RBPJ: variants seen among roughly 807,000 people sequenced by gnomAD.
RBPJ encodes the protein recombining binding protein suppressor of hairless.
RBPJ carries 9 observed loss-of-function variants against 67.8 expected under a neutral mutation model. The ratio of observed to expected loss-of-function variants is 0.13; its 90% CI spans 0.08 to 0.23. RBPJ has a LOEUF of 0.23. Ranked by LOEUF, RBPJ falls within the 10% of genes least tolerant of loss-of-function variation. The pLI is 1.00. For missense variants in RBPJ, 305 were observed against 595.6 expected, an observed-to-expected ratio of 0.51 and a Z score of 5.08; for synonymous variants, 198 against 203.3, an observed-to-expected ratio of 0.97 and a Z score of 0.22.
the RBPJ span, among the ~76,000 whole-genome samples, chr4:26,121,685 A>T: frequency 6.6e-6 from 1 of 152,162 alleles, no homozygotes; most frequent in Non-Finnish European, 1.5e-5. Context: ...TGGAAAAAAA[A>T]CAATTATCCT....
chr4:26,427,513 G>A lies in RBPJ; in HGVS notation c.748-1207G>A, dbSNP rs1449459216. ...TATAAAGAGAGGAAAAGAGGGCTGA[G>A]AACTCAGCTCTGGGCATTTTAAAGG... On this transcript the variant is annotated intron_variant, in intron 7 of 10. Transcript: ENST00000355476. Among the ~76,000 whole-genome samples, 4 of 152,164 alleles carry A rather than the reference G, an allele frequency of 2.6e-5. No individual in the cohort carries two copies. In the South Asian group the frequency reaches 8.3e-4, roughly 32 times the overall value.
At chr4:26,122,094 T>A in the RBPJ span, among the ~76,000 whole-genome samples, 63 of 152,252 alleles carry the variant, frequency 4.1e-4, no homozygotes, top group African/African-American at 1.5e-3. Context: ...ATTTTATATA[T>A]GGACACATTT....
chr4:26,401,768 G>A (rs917280141), intron 2 of RBPJ, among the ~76,000 whole-genome samples: 2 of 152,104 alleles, frequency 1.3e-5, no homozygotes, highest in Non-Finnish European at 2.9e-5. Flanking sequence ...ACACTTAATG[G>A]CTTAAAACTA....
intron 3 of RBPJ, among the ~76,000 whole-genome samples, chr4:26,412,204 A>T (rs1238219374): frequency 6.6e-6 from 1 of 152,068 alleles, no homozygotes; most frequent in Non-Finnish European, 1.5e-5. Flanking sequence ...CCAATCCAAA[A>T]ATTCGAAGTG....
intron 1 of RBPJ, among the ~76,000 whole-genome samples, chr4:26,250,598 G>T (rs1027161577): frequency 1.3e-5 from 2 of 152,056 alleles, no homozygotes; most frequent in African/African-American, 2.4e-5. Context: ...TTCCCAAAGT[G>T]CTGGGACACA....
At chr4:26,290,233 G>C in intron 1 of RBPJ, among the ~76,000 whole-genome samples, 1 of 147,970 alleles carries the variant, frequency 6.8e-6, no homozygotes, top group Non-Finnish European at 1.5e-5. Flanking sequence ...TAGCTACTTG[G>C]AAGACTGTGA....
At chr4:26,145,111 A>T in the RBPJ span, among the ~76,000 whole-genome samples, 372 of 151,588 alleles carry the variant, frequency 2.5e-3, 1 homozygote, top group African/African-American at 8.5e-3. Flanking sequence ...TGGTTTCAAC[A>T]GTTTTTCCAG....
intron 1 of RBPJ, among the ~76,000 whole-genome samples, chr4:26,346,915 C>A (rs201739643): frequency 2.0e-5 from 3 of 152,054 alleles, no homozygotes; most frequent in Admixed American, 6.5e-5. Flanking sequence ...TCACTTGAAC[C>A]CGGGAGGCGG....
At chr4:26,353,996 T>A (rs1727083266) in intron 1 of RBPJ, among the ~76,000 whole-genome samples, 1 of 151,618 alleles carries the variant, frequency 6.6e-6, no homozygotes, top group Admixed American at 6.6e-5. Context: ...AGTGGCGTGA[T>A]CTCGGCTCAC....
At chr4:26,120,007 G>C in the RBPJ span, among the ~76,000 whole-genome samples, 6 of 152,178 alleles carry the variant, frequency 3.9e-5, no homozygotes, top group Non-Finnish European at 8.8e-5. Flanking sequence ...GTCTGAATTT[G>C]AGCCATATCA....
intron 1 of RBPJ, among the ~76,000 whole-genome samples, chr4:26,165,726 A>G (rs1716255886): frequency 6.7e-6 from 1 of 150,292 alleles, no homozygotes; most frequent in African/African-American, 2.4e-5. Context: ...TTTTTTTATT[A>G]TCATTATACT....
At chr4:26,163,391 A>C (rs1342341007), upstream of RBPJ, 1 of 151,994 alleles carries the variant, frequency 6.6e-6, no homozygotes, top group African/African-American at 2.4e-5. Flanking sequence ...CACACACAAA[A>C]AAAAAAAAAG....
intron 1 of RBPJ, among the ~76,000 whole-genome samples, chr4:26,167,851 G>A (rs1167175475): frequency 3.9e-5 from 6 of 151,902 alleles, no homozygotes; most frequent in Non-Finnish European, 8.8e-5. Context: ...TTGGCTGTGG[G>A]TTTGTCATAG....
At chr4:26,178,469 G>A (rs914469109) in intron 1 of RBPJ, among the ~76,000 whole-genome samples, 11 of 152,032 alleles carry the variant, frequency 7.2e-5, no homozygotes, top group Non-Finnish European at 1.0e-4. Flanking sequence ...TTAGCCAGGT[G>A]TGATGGTGCA....
At chr4:26,190,171 T>C (rs1045225592) in intron 1 of RBPJ, among the ~76,000 whole-genome samples, 1 of 152,250 alleles carries the variant, frequency 6.6e-6, no homozygotes, top group African/African-American at 2.4e-5. Flanking sequence ...ATTTGCTGCC[T>C]GCTTTGCTTT....
upstream of RBPJ, among the ~76,000 whole-genome samples, chr4:26,316,651 TATTGATATATATATATATACAC>T (rs1419589757): frequency 5.7e-4 from 78 of 136,720 alleles, 2 homozygotes; most frequent in African/African-American, 2.2e-3. Context: ...TATATACACA[TATTGATATATATATATATACAC>T]ATATATATAT....
chr4:26,207,616 A>G (rs1322191708), intron 1 of RBPJ, among the ~76,000 whole-genome samples: 1 of 152,234 alleles, frequency 6.6e-6, no homozygotes, highest in African/African-American at 2.4e-5. Context: ...TCCTATGCCA[A>G]GCTCTCGTTT....
chr4:26,311,383 A>G (rs867893235), intron 1 of RBPJ, among the ~76,000 whole-genome samples: 17 of 152,072 alleles, frequency 1.1e-4, no homozygotes, highest in Middle Eastern at 3.4e-3. Context: ...CTAAAAATAC[A>G]AAAAAATTAG....
At chr4:26,161,021 G>A (rs536106676), upstream of RBPJ, among the ~76,000 whole-genome samples, 30 of 152,328 alleles carry the variant, frequency 2.0e-4, no homozygotes, top group African/African-American at 7.2e-4. Flanking sequence ...GGCCCATACT[G>A]CCAAGAGGCA....
Sources: allele counts gnomAD v4.1 joint callset (sites outside exome capture counted in the v4.1 genomes callset), GRCh38; gene constraint gnomAD v4.1.1; transcripts MANE v1.5; gene names NCBI Gene and HGNC (gene_info 2026-07-23, HGNC 2026-07-21).